The following PCDH11Y variants were observed in gnomAD, a reference collection of about 807,000 sequenced individuals.
PCDH11Y encodes protocadherin 11 Y-linked.
For synonymous variants in PCDH11Y, 9 were observed against 83.6 expected (o/e 0.11, Z 4.87); for missense variants, 12 against 224.8 (o/e 0.05, Z 6.05).
intron 2 of PCDH11Y, among the ~76,000 whole-genome samples, chrY:5,315,924 T>A: frequency 3.1e-5 from 1 of 32,210 alleles, no homozygotes; most frequent in African/African-American, 1.2e-4. Context: ...GGATTTGTTG[T>A]CAGACTTCCT....
chrY:5,597,920 TA>T (rs2053469228), intron 4 of PCDH11Y, among the ~76,000 whole-genome samples: 1 of 32,100 alleles, frequency 3.1e-5, no homozygotes, highest in Non-Finnish European at 7.6e-5. Context: ...AAATCACCAC[TA>T]AAGAACTTAT....
chrY:5,313,939 A>G, intron 2 of PCDH11Y, among the ~76,000 whole-genome samples: 2 of 33,441 alleles, frequency 6.0e-5, no homozygotes, highest in African/African-American at 2.3e-4. Flanking sequence ...TGATTTCGGA[A>G]CAGTCTAATC....
intron 1 of PCDH11Y, among the ~76,000 whole-genome samples, chrY:5,076,360 G>A (rs2124631395): frequency 3.0e-5 from 1 of 33,013 alleles, no homozygotes; most frequent in Admixed American, 2.8e-4. Flanking sequence ...CATTCTGTGG[G>A]TTGTCTCTTC....
At chrY:5,060,839 A>T in intron 1 of PCDH11Y, among the ~76,000 whole-genome samples, 2 of 28,639 alleles carry the variant, frequency 7.0e-5, no homozygotes, top group Non-Finnish European at 1.6e-4. Flanking sequence ...TGGCCAACAC[A>T]GTGAAACCCC....
chrY:5,197,979 TA>T (rs2052922664), intron 2 of PCDH11Y, among the ~76,000 whole-genome samples: 5 of 25,905 alleles, frequency 1.9e-4, no homozygotes, highest in East Asian at 1.0e-3. Context: ...TAAAGTATAA[TA>T]AAAAAAAAAT....
chrY:5,506,104 C>G, intron 3 of PCDH11Y, among the ~76,000 whole-genome samples: 1 of 30,196 alleles, frequency 3.3e-5, no homozygotes, highest in Non-Finnish European at 8.1e-5. Context: ...CAAAATAAAG[C>G]CATGGAAATA....
At chrY:5,737,134 C>T (rs2053610041) in intron 4 of PCDH11Y, 138 bp from the exon 6 acceptor site, 2 of 210,160 alleles carry the variant, frequency 9.5e-6, no homozygotes, top group African/African-American at 1.6e-4. Flanking sequence ...AATACCAACT[C>T]TATAAATAAT....
chrY:5,035,857 T>A, intron 3 of PCDH11Y, among the ~76,000 whole-genome samples: 3 of 32,103 alleles, frequency 9.3e-5, no homozygotes, highest in Non-Finnish European at 1.5e-4. Context: ...TTGAATATAA[T>A]CATTCCTCTT....
chrY:5,602,351 C>G, intron 4 of PCDH11Y, among the ~76,000 whole-genome samples: 1 of 31,286 alleles, frequency 3.2e-5, no homozygotes, highest in African/African-American at 1.2e-4. Context: ...TGCTTTACTC[C>G]TATGTCCAAA....
At chrY:5,685,587 C>T (rs2053562367) in intron 4 of PCDH11Y, among the ~76,000 whole-genome samples, 1 of 30,947 alleles carries the variant, frequency 3.2e-5, no homozygotes, top group Non-Finnish European at 7.9e-5. Flanking sequence ...GTTATCTTAA[C>T]CTCTTTTAGA....
chrY:5,431,155 G>T (rs2053268560), intron 2 of PCDH11Y, among the ~76,000 whole-genome samples: 1 of 33,123 alleles, frequency 3.0e-5, no homozygotes, highest in African/African-American at 1.2e-4. Flanking sequence ...AGAAAAAATT[G>T]CAGTCAAGGG....
chrY:5,407,807 C>A (rs2124677832), intron 2 of PCDH11Y, among the ~76,000 whole-genome samples: 9 of 28,454 alleles, frequency 3.2e-4, no homozygotes, highest in South Asian at 8.2e-4. Context: ...CCCAGCTACT[C>A]GGGAGGCTGA....
chrY:5,226,801 T>C, intron 2 of PCDH11Y, among the ~76,000 whole-genome samples: 1 of 30,837 alleles, frequency 3.2e-5, no homozygotes, highest in Non-Finnish European at 7.8e-5. Flanking sequence ...CATTGATCTA[T>C]GTGTCTGTTT....
At chrY:5,328,035 G>A in intron 2 of PCDH11Y, among the ~76,000 whole-genome samples, 1 of 33,477 alleles carries the variant, frequency 3.0e-5, no homozygotes, top group African/African-American at 1.2e-4. Context: ...CTTCTGAGGC[G>A]ATGGGGCAGC....
chrY:5,401,993 C>G, intron 2 of PCDH11Y, among the ~76,000 whole-genome samples: 1 of 33,624 alleles, frequency 3.0e-5, no homozygotes, highest in African/African-American at 1.2e-4. Flanking sequence ...TGATAGCTAG[C>G]TAATTCTACT....
chrY:5,493,544 T>C (rs1602933696), intron 2 of PCDH11Y, among the ~76,000 whole-genome samples: 2 of 32,958 alleles, frequency 6.1e-5, no homozygotes, highest in South Asian at 1.4e-3. Flanking sequence ...ATGGAGTAAG[T>C]AGTTTAGGTT....
intron 2 of PCDH11Y, among the ~76,000 whole-genome samples, chrY:5,392,866 A>G: frequency 3.0e-5 from 1 of 33,405 alleles, no homozygotes; most frequent in Non-Finnish European, 7.4e-5. Flanking sequence ...CTTTTTCTAA[A>G]ACTGAGGGAA....
At chrY:5,145,750 A>C in intron 2 of PCDH11Y, among the ~76,000 whole-genome samples, 1 of 33,676 alleles carries the variant, frequency 3.0e-5, no homozygotes, top group Admixed American at 2.7e-4. Flanking sequence ...TCACTTAGTT[A>C]ATATTTTAAA....
At chrY:5,641,843 G>C in intron 4 of PCDH11Y, among the ~76,000 whole-genome samples, 6 of 33,473 alleles carry the variant, frequency 1.8e-4, no homozygotes, top group Non-Finnish European at 4.4e-4. Context: ...GTGAAGTGCA[G>C]TAAAATGTGG....
Sources: gnomAD v4.1 joint callset for allele counts (sites outside exome capture counted in the v4.1 genomes callset) on GRCh38, gnomAD v4.1.1 for gene constraint, MANE v1.5 for transcripts, NCBI Gene and HGNC (gene_info 2026-07-23, HGNC 2026-07-21) for gene names.